Variants in ZDHHC14 observed in about 807,000 individuals in gnomAD.
ZDHHC14 encodes palmitoyltransferase ZDHHC14.
Under a neutral mutation model 47.7 loss-of-function variants are expected in ZDHHC14, and 16 were observed. The observed-to-expected ratio is 0.34, with a 90% CI of 0.23 to 0.51. The LOEUF is 0.51. Among genes scored for constraint, ZDHHC14 ranks in the 20% least tolerant of loss-of-function variants. The pLI is 0.97. For missense variants in ZDHHC14, 515 were observed against 662.5 expected (o/e 0.78, Z 2.44); for synonymous variants, 293 against 278.9 (o/e 1.05, Z -0.50).
chr6:157,538,136 G>C (rs889960514), intron 1 of ZDHHC14, among the ~76,000 whole-genome samples: 1 of 152,194 alleles, frequency 6.6e-6, no homozygotes, highest in African/African-American at 2.4e-5. Context: ...ACACACAGAG[G>C]CTGGTGGAAC....
intron 3 of ZDHHC14, among the ~76,000 whole-genome samples, chr6:157,594,894 AC>A (rs1784061110): frequency 6.6e-6 from 1 of 152,044 alleles, no homozygotes; most frequent in East Asian, 1.9e-4. Flanking sequence ...AGTTCTCAAC[AC>A]CCTTTCTTGG....
At chr6:157,627,254 T>C (rs999163090) in intron 3 of ZDHHC14, among the ~76,000 whole-genome samples, 2 of 152,240 alleles carry the variant, frequency 1.3e-5, no homozygotes, top group Non-Finnish European at 2.9e-5. Context: ...TTTATTTATA[T>C]GGTCACACCT....
Position 157,569,914 on chromosome 6 carries a change from G to GTA in ZDHHC14, c.407-23066_407-23065dup, listed in dbSNP as rs540203887. Among the ~76,000 whole-genome samples, 21 of 152,002 alleles carry GTA rather than the reference G, an allele frequency of 1.4e-4. 2 individuals are homozygous for GTA. In the South Asian group the frequency reaches 4.1e-3, roughly 30 times the overall value. On this transcript the variant is annotated intron_variant, in intron 2 of 8. Coordinates refer to ENST00000359775, the MANE Select transcript of ZDHHC14 (RefSeq NM_024630.3). ...ATATATAAAAATACTTTTAAAGCTTGTATATATATTGGTTTATATTTGTTA... is the reference window on the plus strand; with the variant it reads ...ATATATAAAAATACTTTTAAAGCTTGTATATATATATTGGTTTATATTTGTTA...
rs569416425 is a variant in ZDHHC14, at chr6:157,405,523, T to C, written c.245+23257T>C. Among the ~76,000 whole-genome samples, 16 of 152,106 alleles carry C rather than the reference T, an allele frequency of 1.1e-4. No homozygotes were observed. In the Middle Eastern group the frequency reaches 0.014, roughly 130 times the overall value. On this transcript the variant is annotated intron_variant, in intron 1 of 8. Coordinates refer to ENST00000359775, the MANE Select transcript of ZDHHC14 (RefSeq NM_024630.3). Reference sequence around the variant, plus strand: ...CTGGGATTACAGGCGTGAGCCACCGTGCCTGGCCGAGCTCAAAATTTTTTT... The same window carrying C: ...CTGGGATTACAGGCGTGAGCCACCGCGCCTGGCCGAGCTCAAAATTTTTTT...
rs1203393725 is a variant in ZDHHC14, at chr6:157,677,093, A to G, written c.*3971A>G. ...AATCAAATTGATGTTTACATTTTCT[A>G]TCAAGTACACATGAGCTGTGGGAGT... On this transcript the variant is annotated 3_prime_UTR_variant, in exon 9 of 9. Coordinates refer to ENST00000359775, the MANE Select transcript of ZDHHC14 (RefSeq NM_024630.3). The G allele has an allele frequency of 6.6e-6, 1 of 152,190 alleles. No individual in the cohort carries two copies. The highest frequency in any genetic ancestry group is 1.5e-5 in the Non-Finnish European group (1 of 68,034). The allele number at this position is 152,190 out of a possible 1,614,324, so 9.4% of individuals were successfully genotyped here.
intron 8 of ZDHHC14, among the ~76,000 whole-genome samples, chr6:157,662,285 G>A (rs149389159): frequency 2.0e-5 from 3 of 151,910 alleles, no homozygotes; most frequent in African/African-American, 7.3e-5. Context: ...GGGTTCAAGC[G>A]ATTCTCCTGC....
intron 2 of ZDHHC14, among the ~76,000 whole-genome samples, chr6:157,560,694 A>G (rs1331624503): frequency 6.6e-6 from 1 of 152,230 alleles, no homozygotes; most frequent in Non-Finnish European, 1.5e-5. Flanking sequence ...AAACTCTAGC[A>G]TTAATAGATA....
chr6:157,433,181 C>T (rs1193334781), intron 1 of ZDHHC14, among the ~76,000 whole-genome samples: 1 of 152,170 alleles, frequency 6.6e-6, no homozygotes, highest in Non-Finnish European at 1.5e-5. Context: ...AGTGCTGGCA[C>T]GATCACTCTA....
At chr6:157,541,161 T>C (rs148069740) in intron 1 of ZDHHC14, among the ~76,000 whole-genome samples, 2 of 152,258 alleles carry the variant, frequency 1.3e-5, no homozygotes, top group East Asian at 3.9e-4. Flanking sequence ...GCATTCATCA[T>C]GGCACTTTAT....
At chr6:157,536,550 A>G (rs1781550086) in intron 1 of ZDHHC14, among the ~76,000 whole-genome samples, 1 of 152,236 alleles carries the variant, frequency 6.6e-6, no homozygotes, top group Non-Finnish European at 1.5e-5. Context: ...CTCCCAAAGA[A>G]TGTCCTCTGG....
intron 1 of ZDHHC14, among the ~76,000 whole-genome samples, chr6:157,503,838 C>T (rs559026476): frequency 1.3e-5 from 2 of 152,204 alleles, no homozygotes; most frequent in South Asian, 4.1e-4. Context: ...GGCAATGATG[C>T]GTATGAGGAA....
At chr6:157,501,027 AGTTTCT>A (rs1270753740) in intron 1 of ZDHHC14, among the ~76,000 whole-genome samples, 1 of 152,248 alleles carries the variant, frequency 6.6e-6, no homozygotes, top group African/African-American at 2.4e-5. Flanking sequence ...ATTTGTTTAC[AGTTTCT>A]TCTGCTGGAT....
intron 8 of ZDHHC14, among the ~76,000 whole-genome samples, chr6:157,654,517 G>A (rs1183844196): frequency 6.6e-6 from 1 of 152,122 alleles, no homozygotes; most frequent in East Asian, 1.9e-4. Flanking sequence ...TGACTTTCAG[G>A]TAGACTGGAC....
intron 1 of ZDHHC14, among the ~76,000 whole-genome samples, chr6:157,532,664 T>C (rs886115292): frequency 1.3e-5 from 2 of 152,196 alleles, no homozygotes; most frequent in Non-Finnish European, 2.9e-5. Context: ...CTCCAAGAAG[T>C]TGGGTACAGA....
At chr6:157,623,462 C>T (rs189519076) in intron 3 of ZDHHC14, among the ~76,000 whole-genome samples, 16 of 151,578 alleles carry the variant, frequency 1.1e-4, no homozygotes, top group African/African-American at 3.4e-4. Flanking sequence ...AACTGTGAAT[C>T]GATTAAACCT....
intron 1 of ZDHHC14, among the ~76,000 whole-genome samples, chr6:157,437,427 G>A (rs555144340): frequency 3.9e-5 from 6 of 152,328 alleles, no homozygotes; most frequent in East Asian, 3.9e-4. Context: ...GCAGGCTGTC[G>A]CCCTGTTCTG....
In ZDHHC14 at chr6:157,381,567, C is replaced by G. The variant is rs546084262; in HGVS notation, c.-455C>G. ...CTGGCCGCGCCGCAGAAGTGGCTCC[C>G]GAGGAAGCCGGCGCCGGGGCCGCCG... On this transcript the variant is annotated 5_prime_UTR_variant, in exon 1 of 9. Transcript: ENST00000359775. 2 of 401,386 alleles carry G rather than the reference C, an allele frequency of 5.0e-6. No individual in the cohort carries two copies. Among genetic ancestry groups the G allele is most frequent in the Admixed American group, 2.7e-5 (1 of 36,858 alleles). 24.9% of individuals were successfully genotyped at this position (401,386 alleles called of 1,614,324 possible). A position where few individuals can be genotyped will look rare whatever the true frequency, so the allele number is the denominator to read the frequency against.
chr6:157,496,265 G>C (rs1054448942), intron 1 of ZDHHC14, among the ~76,000 whole-genome samples: 1 of 152,040 alleles, frequency 6.6e-6, no homozygotes, highest in Non-Finnish European at 1.5e-5. Context: ...CAGTTCACTA[G>C]GACTGTCTCT....
intron 2 of ZDHHC14, among the ~76,000 whole-genome samples, chr6:157,556,108 T>C (rs1782448973): frequency 6.6e-6 from 1 of 152,036 alleles, no homozygotes; most frequent in Admixed American, 6.5e-5. Context: ...CAGGAAAATA[T>C]GGGGACCCCA....
Sources: gnomAD v4.1 joint callset for allele counts (sites outside exome capture counted in the v4.1 genomes callset) on GRCh38, gnomAD v4.1.1 for gene constraint, MANE v1.5 for transcripts, NCBI Gene and HGNC (gene_info 2026-07-23, HGNC 2026-07-21) for gene names.